The following THSD7A variants were observed in gnomAD, a reference collection of about 807,000 sequenced individuals.
THSD7A encodes the protein thrombospondin type-1 domain-containing protein 7A.
Under a neutral mutation model 231.3 loss-of-function variants are expected in THSD7A, and 96 were observed. The ratio of observed to expected loss-of-function variants is 0.41; its 90% CI spans 0.35 to 0.49. The LOEUF is 0.49. THSD7A is among the 20% of genes least tolerant of loss of function. The probability of loss-of-function intolerance (pLI) is 0.05; values close to 1 mark genes in which losing one functional copy is unlikely to be tolerated. For missense variants in THSD7A, 2,290 were observed against 2,070.2 expected, an observed-to-expected ratio of 1.11 and a Z score of -2.06; for synonymous variants, 940 against 743.3, an observed-to-expected ratio of 1.26 and a Z score of -4.30.
intron 1 of THSD7A, among the ~76,000 whole-genome samples, chr7:11,694,866 G>A (rs1445794258): frequency 1.3e-5 from 2 of 151,432 alleles, no homozygotes; most frequent in Admixed American, 6.6e-5. Flanking sequence ...AATATAATTT[G>A]GAAGACAATT....
At chr7:11,549,111 A>C (rs1237095897) in intron 4 of THSD7A, among the ~76,000 whole-genome samples, 4 of 152,228 alleles carry the variant, frequency 2.6e-5, no homozygotes, top group African/African-American at 9.6e-5. Flanking sequence ...TCTCAAAAGA[A>C]GACACTCATG....
Position 11,814,795 on chromosome 7 carries a change from C to T in THSD7A, c.190+16962G>A, listed in dbSNP as rs935286138. On this transcript the variant is annotated intron_variant, in intron 1 of 27. Transcript: ENST00000423059. The surrounding 1 kb of genome is among the most constrained non-coding windows in gnomAD (Gnocchi z 5.1). The stretch of plus-strand genomic sequence containing the variant: ...ATCCAAATCCATTTTGATGACTCTC[C>T]CATTAGAGGTATGTAGTCACCACAG... Among the ~76,000 whole-genome samples, 1 of 152,064 alleles carries T rather than the reference C, an allele frequency of 6.6e-6. No homozygotes were observed. The highest frequency in any genetic ancestry group is 1.5e-5 in the Non-Finnish European group (1 of 67,986).
At chr7:11,492,252 C>T (rs139285290) in intron 6 of THSD7A, among the ~76,000 whole-genome samples, 1,557 of 152,078 alleles carry the variant, frequency 0.01, 75 homozygotes, top group Admixed American at 0.083. Context: ...AGGCTAAAAA[C>T]CAACTTCAAT....
chr7:11,692,663 A>G (rs1780270133), intron 1 of THSD7A, among the ~76,000 whole-genome samples: 1 of 151,556 alleles, frequency 6.6e-6, no homozygotes, highest in African/African-American at 2.4e-5. Context: ...AGTCTTTGCA[A>G]ATTAGTTTAA....
chr7:11,791,953 T>G (rs771471751), intron 1 of THSD7A, among the ~76,000 whole-genome samples: 47 of 151,928 alleles, frequency 3.1e-4, no homozygotes, highest in Admixed American at 1.1e-3. Flanking sequence ...TGGTGATCTA[T>G]TCATTCCATA....
Position 11,637,757 on chromosome 7 carries a change from A to G in THSD7A, c.191-796T>C, listed in dbSNP as rs777340314. 3.3e-5 allele frequency among the ~76,000 whole-genome samples: 5 copies of G among 152,230 alleles called. No individual in the cohort carries two copies. The highest frequency in any genetic ancestry group is 7.3e-5 in the Non-Finnish European group (5 of 68,046). Reference sequence around the variant, plus strand: ...CAGAGCTGTTTGATGTGATACTTAAATCAGTGGCTTTAATATGAAATATGG... The same window carrying G: ...CAGAGCTGTTTGATGTGATACTTAAGTCAGTGGCTTTAATATGAAATATGG... On this transcript the variant is annotated intron_variant, in intron 1 of 27. Transcript: ENST00000423059. The surrounding 1 kb of genome is among the most constrained non-coding windows in gnomAD (Gnocchi z 4.2).
chr7:11,732,966 A>T (rs540537024), intron 1 of THSD7A, among the ~76,000 whole-genome samples: 1 of 151,998 alleles, frequency 6.6e-6, no homozygotes, highest in South Asian at 2.1e-4. Context: ...TCATAAACAT[A>T]GTTTATGGAA....
chr7:11,443,028 T>G (rs759531106), intron 13 of THSD7A, among the ~76,000 whole-genome samples: 10 of 152,246 alleles, frequency 6.6e-5, no homozygotes, highest in Non-Finnish European at 1.3e-4. Context: ...GTTCTTTTAC[T>G]TTTTTGAAGT....
chr7:11,426,005 A>G (rs1239502999), intron 15 of THSD7A, among the ~76,000 whole-genome samples: 1 of 152,050 alleles, frequency 6.6e-6, no homozygotes, highest in African/African-American at 2.4e-5. Flanking sequence ...ACATGTATAC[A>G]TATGTAACTA....
At chr7:11,391,662 G>GA (rs1015812185) in intron 23 of THSD7A, among the ~76,000 whole-genome samples, 1 of 152,134 alleles carries the variant, frequency 6.6e-6, no homozygotes, top group African/African-American at 2.4e-5. Context: ...ATTGGGGTAT[G>GA]AAAAAAAGCT....
chr7:11,492,845 C>G (rs1222355422), intron 6 of THSD7A, among the ~76,000 whole-genome samples: 1 of 151,996 alleles, frequency 6.6e-6, no homozygotes, highest in Non-Finnish European at 1.5e-5. Flanking sequence ...AACTTTGAAC[C>G]GTAAAGACTA....
intron 1 of THSD7A, among the ~76,000 whole-genome samples, chr7:11,695,492 G>A (rs961193551): frequency 6.6e-6 from 1 of 151,494 alleles, no homozygotes; most frequent in Non-Finnish European, 1.5e-5. Flanking sequence ...TCAGTTTTAT[G>A]CAATAAGGTG....
intron 4 of THSD7A, among the ~76,000 whole-genome samples, chr7:11,554,568 C>T (rs1270728646): frequency 6.6e-6 from 1 of 151,936 alleles, no homozygotes; most frequent in Non-Finnish European, 1.5e-5. Flanking sequence ...TGTTTTTAGT[C>T]TGTTAAATTG....
chr7:11,647,532 G>T (rs954563959), intron 1 of THSD7A, among the ~76,000 whole-genome samples: 1 of 152,062 alleles, frequency 6.6e-6, no homozygotes, highest in Non-Finnish European at 1.5e-5. Flanking sequence ...TAATGAGTAT[G>T]TAGAAAGTCC....
chr7:11,432,951 A>G (rs1377909735), intron 13 of THSD7A, among the ~76,000 whole-genome samples: 2 of 152,074 alleles, frequency 1.3e-5, no homozygotes, highest in South Asian at 4.1e-4. Flanking sequence ...TACAATGAAA[A>G]GTTCTGAAAG....
At chr7:11,547,301 A>G (rs1037512863) in intron 4 of THSD7A, among the ~76,000 whole-genome samples, 1 of 152,240 alleles carries the variant, frequency 6.6e-6, no homozygotes, top group Non-Finnish European at 1.5e-5. Context: ...TCACATATCA[A>G]TATTAACCTT....
At chr7:11,378,035 A>G (rs1239418810) in intron 26 of THSD7A, 1 of 152,132 alleles carries the variant, frequency 6.6e-6, no homozygotes, top group Non-Finnish European at 1.5e-5. Flanking sequence ...TATCAGCTAA[A>G]TAAGCCAATT....
chr7:11,801,465 T>G (rs1784274830), intron 1 of THSD7A, among the ~76,000 whole-genome samples: 1 of 152,182 alleles, frequency 6.6e-6, no homozygotes, highest in Non-Finnish European at 1.5e-5. Flanking sequence ...AAGAAACTTG[T>G]CCAAGGTAAC....
At chr7:11,417,760 C>T (rs1186299930) in intron 16 of THSD7A, among the ~76,000 whole-genome samples, 157 bp from the exon 17 acceptor site, 1 of 152,178 alleles carries the variant, frequency 6.6e-6, no homozygotes, top group Non-Finnish European at 1.5e-5. Flanking sequence ...TAATAAAATT[C>T]TCCACAAATG....
Sources: allele counts gnomAD v4.1 joint callset (sites outside exome capture counted in the v4.1 genomes callset), GRCh38; gene constraint gnomAD v4.1.1; non-coding constraint Gnocchi (gnomAD v3.1); transcripts MANE v1.5; gene names NCBI Gene and HGNC (gene_info 2026-07-23, HGNC 2026-07-21).